SSBP2: variants seen among roughly 807,000 people sequenced by gnomAD.
SSBP2 encodes single stranded DNA binding protein 2, also known as single-stranded DNA-binding protein 2.
SSBP2 carries 17 observed loss-of-function variants against 61.8 expected under a neutral mutation model. The ratio of observed to expected loss-of-function variants is 0.28; its 90% CI spans 0.19 to 0.41. The LOEUF is 0.41. Among genes scored for constraint, SSBP2 ranks in the 10% least tolerant of loss-of-function variants. The pLI is 1.00. For synonymous variants in SSBP2, 139 were observed against 141.3 expected (o/e 0.98, Z 0.12); for missense variants, 310 against 458.7 (o/e 0.68, Z 2.96).
rs1761375204 is a variant in SSBP2 at position 81,417,771 on chromosome 5, T to C, written c.*2733A>G. The C allele has an allele frequency of 6.6e-6, 1 of 152,148 alleles. No individual in the cohort carries two copies. Among genetic ancestry groups the C allele is most frequent in the African/African-American group, 2.4e-5 (1 of 41,446 alleles). 9.4% of individuals were successfully genotyped at this position (152,148 alleles called of 1,614,324 possible). On this transcript the variant is annotated 3_prime_UTR_variant, in exon 17 of 17. Transcript: ENST00000320672. Reference sequence around the variant, plus strand: ...TCTGGGTTTCTTGGATACAATTTTCTCCTCAAAAATAATTTTTCAACTATT... The same window carrying C: ...TCTGGGTTTCTTGGATACAATTTTCCCCTCAAAAATAATTTTTCAACTATT...
chr5:81,720,153 GC>G (rs1443717297), intron 1 of SSBP2, among the ~76,000 whole-genome samples: 1 of 152,070 alleles, frequency 6.6e-6, no homozygotes, highest in Non-Finnish European at 1.5e-5. Flanking sequence ...TGGGCTCAGA[GC>G]CCATCCAGAT....
rs546280009 is a variant in SSBP2, at chr5:81,479,139, C to T, written c.433-4577G>A. Among the ~76,000 whole-genome samples the T allele has an allele frequency of 7.2e-5, 11 of 152,224 alleles. No homozygotes were observed. The East Asian group carries it at 1.3e-3, about 19-fold the overall frequency. ...TTGGGATGACCAGATAGTAGCTTTG[C>T]GCATCAACAGTGATGTAATCACTGC... On this transcript the variant is annotated intron_variant, in intron 6 of 16. Transcript: ENST00000320672.
chr5:81,744,642 C>G (rs998243388), intron 1 of SSBP2, among the ~76,000 whole-genome samples: 1 of 151,816 alleles, frequency 6.6e-6, no homozygotes, highest in African/African-American at 2.4e-5. Context: ...ATATTTTAGC[C>G]TCTACAATTT....
At chr5:81,731,481 C>A (rs1437943225) in intron 1 of SSBP2, among the ~76,000 whole-genome samples, 1 of 152,070 alleles carries the variant, frequency 6.6e-6, no homozygotes, top group Non-Finnish European at 1.5e-5. Flanking sequence ...GATTTCCTGG[C>A]GGCCTTAATA....
chr5:81,442,874 C>G, intron 12 of SSBP2, 151 bp from the exon 13 acceptor site: 1 of 411,672 alleles, frequency 2.4e-6, no homozygotes, highest in Non-Finnish European at 4.3e-6. Flanking sequence ...TAAATACCCA[C>G]AGTCATTTTC....
chr5:81,457,004 G>T (rs1202240570), intron 10 of SSBP2, among the ~76,000 whole-genome samples: 1 of 152,196 alleles, frequency 6.6e-6, no homozygotes, highest in Non-Finnish European at 1.5e-5. Flanking sequence ...AGGTATAGAC[G>T]TGTGTGGGTG....
chr5:81,432,638 C>T (rs1450719828), intron 15 of SSBP2, among the ~76,000 whole-genome samples: 2 of 152,034 alleles, frequency 1.3e-5, no homozygotes, highest in East Asian at 1.9e-4. Flanking sequence ...CCCAGCTACT[C>T]GGGAGGCTGA....
chr5:81,685,025 G>C (rs1190621157), intron 1 of SSBP2, among the ~76,000 whole-genome samples: 1 of 152,022 alleles, frequency 6.6e-6, no homozygotes, highest in African/African-American at 2.4e-5. Flanking sequence ...TGTTCTTCTT[G>C]TGATAGTGAG....
At chr5:81,707,841 A>G (rs1301534819) in intron 1 of SSBP2, among the ~76,000 whole-genome samples, 3 of 152,160 alleles carry the variant, frequency 2.0e-5, no homozygotes, top group African/African-American at 7.2e-5. Context: ...GAACTTAACA[A>G]TGTGTGGGAA....
chr5:81,662,462 C>T (rs913940543), intron 1 of SSBP2, among the ~76,000 whole-genome samples: 2 of 151,762 alleles, frequency 1.3e-5, no homozygotes, highest in Non-Finnish European at 2.9e-5. Context: ...AGCAAAACTC[C>T]GTCTCAAAAA....
chr5:81,695,467 T>A (rs953732615), intron 1 of SSBP2, among the ~76,000 whole-genome samples: 2 of 151,344 alleles, frequency 1.3e-5, no homozygotes, highest in African/African-American at 4.8e-5. Flanking sequence ...ATCATTTACA[T>A]TAGGTATTTC....
At chr5:81,587,488 T>G (rs1302905071) in intron 4 of SSBP2, among the ~76,000 whole-genome samples, 1 of 152,050 alleles carries the variant, frequency 6.6e-6, no homozygotes, top group Non-Finnish European at 1.5e-5. Flanking sequence ...TCCCAAAACT[T>G]TGGGAGGCCA....
intron 8 of SSBP2, among the ~76,000 whole-genome samples, chr5:81,468,446 T>C (rs1188651678): frequency 6.6e-6 from 1 of 152,030 alleles, no homozygotes; most frequent in Non-Finnish European, 1.5e-5. Context: ...GAAGCTATGA[T>C]GACCCACACT....
At chr5:81,520,092 C>A (rs2154092504) in intron 4 of SSBP2, among the ~76,000 whole-genome samples, 1 of 151,404 alleles carries the variant, frequency 6.6e-6, no homozygotes, top group East Asian at 2.0e-4. Flanking sequence ...TCAAGTAATT[C>A]TCCTGTCTCG....
chr5:81,443,245 T>A (rs1013239891), intron 12 of SSBP2: 1 of 152,162 alleles, frequency 6.6e-6, no homozygotes, highest in Non-Finnish European at 1.5e-5. Flanking sequence ...ATTCTCCTGT[T>A]TGAACTAAAA....
At chr5:81,673,458 T>C (rs1751737232) in intron 1 of SSBP2, among the ~76,000 whole-genome samples, 1 of 152,152 alleles carries the variant, frequency 6.6e-6, no homozygotes, top group African/African-American at 2.4e-5. Context: ...AAAAAACTTG[T>C]AAAGGATGAC....
chr5:81,622,511 T>A (rs1746695638), intron 3 of SSBP2, among the ~76,000 whole-genome samples: 1 of 152,164 alleles, frequency 6.6e-6, no homozygotes, highest in Non-Finnish European at 1.5e-5. Flanking sequence ...CTTAAACTGA[T>A]CAGAAACACA....
At chr5:81,643,809 G>T (rs1253842081) in intron 2 of SSBP2, among the ~76,000 whole-genome samples, 1 of 151,752 alleles carries the variant, frequency 6.6e-6, no homozygotes, top group Non-Finnish European at 1.5e-5. Context: ...CACCATGTTG[G>T]CCAGGCTGGT....
At position 81,545,359 on chromosome 5, in the gene SSBP2, G is replaced by C. The variant is rs556744581; in HGVS notation, c.283-31642C>G. Among the ~76,000 whole-genome samples, 28 of 152,108 alleles carry C rather than the reference G, an allele frequency of 1.8e-4. 1 individual carries two copies. The South Asian group carries it at 4.8e-3, about 26-fold the overall frequency. On this transcript the variant is annotated intron_variant, in intron 4 of 16. Coordinates refer to ENST00000320672, the MANE Select transcript of SSBP2 (RefSeq NM_012446.5). ...TTATTGTATTAAGGCACTGAAATTT[G>C]GGATTTTTTTACAACCACTTTCCTA...
Sources: gnomAD v4.1 joint callset for allele counts (sites outside exome capture counted in the v4.1 genomes callset) on GRCh38, gnomAD v4.1.1 for gene constraint, MANE v1.5 for transcripts, NCBI Gene and HGNC (gene_info 2026-07-23, HGNC 2026-07-21) for gene names.